The following NME7 variants were observed in gnomAD, a reference collection of about 807,000 sequenced individuals.
NME7 encodes the protein NME/NM23 family member 7, also known as nucleoside diphosphate kinase 7.
Under a neutral mutation model 49.1 loss-of-function variants are expected in NME7, and 41 were observed. The observed-to-expected ratio is 0.83, with a 90% CI of 0.65 to 1.08. The LOEUF (loss-of-function observed/expected upper bound fraction) is 1.08, where lower values mean the gene tolerates loss of function less well. Ranked by LOEUF, NME7 falls within the 50% of genes least tolerant of loss-of-function variation. The pLI is 0.00. For missense variants in NME7, 423 were observed against 463.4 expected, an observed-to-expected ratio of 0.91 and a Z score of 0.80; for synonymous variants, 139 against 150.6, an observed-to-expected ratio of 0.92 and a Z score of 0.56.
intron 11 of NME7, among the ~76,000 whole-genome samples, chr1:169,160,949 C>T (rs1659226411): frequency 6.6e-6 from 1 of 152,148 alleles, no homozygotes; most frequent in Non-Finnish European, 1.5e-5. Flanking sequence ...CCAGAATTTT[C>T]TCCTGAATTA....
chr1:169,205,537 A>ACAAC (rs1373347749), intron 10 of NME7, among the ~76,000 whole-genome samples: 1 of 152,124 alleles, frequency 6.6e-6, no homozygotes. Flanking sequence ...TATAATCCTC[A>ACAAC]CAACCGGCTT....
At chr1:169,175,179 T>C (rs1659717971) in intron 10 of NME7, among the ~76,000 whole-genome samples, 2 of 152,034 alleles carry the variant, frequency 1.3e-5, no homozygotes, top group African/African-American at 4.8e-5. Flanking sequence ...ACACATGCAT[T>C]AGCCTAGGCT....
intron 5 of NME7, 88 bp downstream of exon 5, chr1:169,303,057 C>G (rs1651009143): frequency 1.2e-6 from 1 of 827,626 alleles, no homozygotes; most frequent in Admixed American, 2.1e-5. Context: ...ACAGATTATT[C>G]TCAAGTAATA....
intron 7 of NME7, among the ~76,000 whole-genome samples, chr1:169,264,446 C>T (rs1649256863): frequency 7.5e-6 from 1 of 133,514 alleles, no homozygotes; most frequent in Admixed American, 7.3e-5. Context: ...AGTTGCAAGC[C>T]TAATTTCAGA....
chr1:169,285,471 G>A (rs1437317678), intron 7 of NME7: 2 of 152,102 alleles, frequency 1.3e-5, no homozygotes, highest in African/African-American at 2.4e-5. Flanking sequence ...CTATGGAATT[G>A]TTACTAATCA....
At chr1:169,310,193 T>C (rs568907208) in intron 3 of NME7, 113 bp from the exon 4 acceptor site, 2 of 668,078 alleles carry the variant, frequency 3.0e-6, no homozygotes, top group South Asian at 3.8e-5. Context: ...AAATTTGAAA[T>C]TAATTGTATA....
intron 7 of NME7, chr1:169,284,439 GT>G (rs1373685160): frequency 2.6e-5 from 4 of 151,758 alleles, no homozygotes; most frequent in Non-Finnish European, 5.9e-5. Flanking sequence ...TAATGAGGTT[GT>G]TTTTTCTTGT....
chr1:169,355,385 C>T, intron 1 of NME7, among the ~76,000 whole-genome samples: 1 of 122,346 alleles, frequency 8.2e-6, no homozygotes, highest in Non-Finnish European at 1.7e-5. Flanking sequence ...CACACACACA[C>T]ACACACACAT....
chr1:169,206,477 G>A (rs1432138829), intron 10 of NME7, among the ~76,000 whole-genome samples: 1 of 152,042 alleles, frequency 6.6e-6, no homozygotes, highest in Non-Finnish European at 1.5e-5. Flanking sequence ...GCTGTCTTGG[G>A]TTAATGCTTG....
intron 11 of NME7, among the ~76,000 whole-genome samples, chr1:169,140,587 G>A (rs1181242088): frequency 6.6e-6 from 1 of 152,078 alleles, no homozygotes; most frequent in Non-Finnish European, 1.5e-5. Flanking sequence ...CTACAGTAAA[G>A]CTTCAGGGAT....
intron 10 of NME7, among the ~76,000 whole-genome samples, chr1:169,203,787 G>A (rs995669513): frequency 1.3e-5 from 2 of 152,054 alleles, no homozygotes; most frequent in African/African-American, 4.8e-5. Context: ...GGCTAATGAT[G>A]GTTAGCAAAG....
In NME7 at chr1:169,270,730, C is replaced by T. The variant is rs550974297; in HGVS notation, c.754+16573G>A. Among the ~76,000 whole-genome samples, 10 of 133,184 alleles carry T rather than the reference C, an allele frequency of 7.5e-5. 3 individuals are homozygous for T. Among genetic ancestry groups the T allele is most frequent in the South Asian group, 4.6e-4 (2 of 4,362 alleles). 87.4% of individuals were successfully genotyped at this position (133,184 alleles called of 152,430 possible). The stretch of plus-strand genomic sequence containing the variant: ...GCTGGGAACTGTCTAGAGCACCTTC[C>T]ATACACTAATGCACTTAATCCTTAG... On this transcript the variant is annotated intron_variant, in intron 7 of 11. Coordinates refer to ENST00000367811, the MANE Select transcript of NME7 (RefSeq NM_013330.5).
In NME7 at chr1:169,367,739, G is replaced by C. The variant is rs755215348; in HGVS notation, c.-29C>G. On this transcript the variant is annotated 5_prime_UTR_variant, in exon 1 of 12. Coordinates refer to ENST00000367811, the MANE Select transcript of NME7 (RefSeq NM_013330.5). Reference sequence around the variant, plus strand: ...CTCAGGATCTCAGCACTAGAAAATAGGTATCGTTGAGACAGGAAGACACCA... The same window carrying C: ...CTCAGGATCTCAGCACTAGAAAATACGTATCGTTGAGACAGGAAGACACCA... 2.5e-6 allele frequency: 4 copies of C among 1,613,964 alleles called. No individual in the cohort carries two copies. Among genetic ancestry groups the C allele is most frequent in the Non-Finnish European group, 3.4e-6 (4 of 1,179,918 alleles).
intron 10 of NME7, among the ~76,000 whole-genome samples, chr1:169,218,030 C>T (rs1661020377): frequency 1.3e-5 from 2 of 152,124 alleles, no homozygotes; most frequent in Admixed American, 1.3e-4. Flanking sequence ...ATTTATGCCC[C>T]AGAAACACAA....
At chr1:169,362,156 C>G (rs986670542) in intron 1 of NME7, among the ~76,000 whole-genome samples, 2 of 151,890 alleles carry the variant, frequency 1.3e-5, no homozygotes, top group East Asian at 3.9e-4. Flanking sequence ...TGCAGTGACC[C>G]GAGATCACAC....
intron 7 of NME7, among the ~76,000 whole-genome samples, chr1:169,265,572 C>G (rs1323655847): frequency 7.5e-6 from 1 of 132,582 alleles, no homozygotes; most frequent in Non-Finnish European, 1.8e-5. Flanking sequence ...ACTAGTAGAA[C>G]TTGAGAACCA....
intron 1 of NME7, among the ~76,000 whole-genome samples, chr1:169,357,963 T>G (rs1183000617): frequency 6.6e-6 from 1 of 152,082 alleles, no homozygotes; most frequent in Non-Finnish European, 1.5e-5. Context: ...CAAAAGTATA[T>G]GACCATTATT....
rs1857567 is a variant in NME7 at position 169,197,536 on chromosome 1, G to C, written c.991-27982C>G. 6.2e-3 allele frequency among the ~76,000 whole-genome samples: 940 copies of C among 152,262 alleles called. 10 individuals carry two copies. The highest frequency in any genetic ancestry group is 0.021 in the African/African-American group (886 of 41,552). On this transcript the variant is annotated intron_variant, in intron 10 of 11. Transcript: ENST00000367811. The stretch of plus-strand genomic sequence containing the variant: ...ACATATGGATTAATGGAATAGAATT[G>C]AGAGCTCAGAAATAAATATATACAT...
intron 3 of NME7, among the ~76,000 whole-genome samples, chr1:169,320,885 A>G (rs1651830076): frequency 6.6e-6 from 1 of 152,164 alleles, no homozygotes; most frequent in Admixed American, 6.5e-5. Flanking sequence ...TTGCCAGCAT[A>G]TTAATTAGAG....
Sources: allele counts gnomAD v4.1 joint callset (sites outside exome capture counted in the v4.1 genomes callset), GRCh38; gene constraint gnomAD v4.1.1; transcripts MANE v1.5; gene names NCBI Gene and HGNC (gene_info 2026-07-23, HGNC 2026-07-21).